NKAIN3: variants seen among roughly 807,000 people sequenced by gnomAD.
NKAIN3 encodes the protein sodium/potassium-transporting ATPase subunit beta-1-interacting protein 3.
A neutral mutation model predicts 30.2 loss-of-function variants in NKAIN3; 25 were observed. The observed-to-expected ratio is 0.83, with a 90% CI of 0.60 to 1.16. The LOEUF is 1.16. Among genes scored for constraint, NKAIN3 ranks in the 50% most tolerant of loss-of-function variants. The probability of loss-of-function intolerance (pLI) is 0.00; values close to 1 mark genes in which losing one functional copy is unlikely to be tolerated. For missense variants in NKAIN3, 225 were observed against 254.1 expected (o/e 0.89, Z 0.78); for synonymous variants, 91 against 89.6 (o/e 1.02, Z -0.09).
At chr8:62,832,869 C>T (rs1819238765) in intron 4 of NKAIN3, among the ~76,000 whole-genome samples, 1 of 152,022 alleles carries the variant, frequency 6.6e-6, no homozygotes, top group African/African-American at 2.4e-5. Context: ...GAATATTTCA[C>T]CCATCAACCA....
intron 1 of NKAIN3, among the ~76,000 whole-genome samples, chr8:62,552,647 T>C (rs1488768103): frequency 6.6e-6 from 1 of 152,186 alleles, no homozygotes; most frequent in Non-Finnish European, 1.5e-5. Context: ...CAGTTAATGC[T>C]CTTGACAAGT....
chr8:62,725,385 C>A lies in NKAIN3; in HGVS notation c.274-21547C>A, dbSNP rs551561786. On this transcript the variant is annotated intron_variant, in intron 3 of 6. Transcript: ENST00000623646. ...GAAGCTTTTTAATTTGATATGATCC[C>A]AATTGCCCATTTTTGCTTTGGTTGC... is the stretch of plus-strand genomic sequence containing the variant. Among the ~76,000 whole-genome samples, 31 of 152,170 alleles carry A rather than the reference C, an allele frequency of 2.0e-4. No individual in the cohort carries two copies. The South Asian group carries it at 5.8e-3, about 28-fold the overall frequency.
At chr8:62,821,991 G>A (rs972473740) in intron 4 of NKAIN3, among the ~76,000 whole-genome samples, 25 of 151,926 alleles carry the variant, frequency 1.6e-4, no homozygotes, top group African/African-American at 5.8e-4. Context: ...TTTATAGAGG[G>A]TGATGGGCAA....
At chr8:62,254,756 G>A (rs773561051) in intron 1 of NKAIN3, among the ~76,000 whole-genome samples, 11 of 152,062 alleles carry the variant, frequency 7.2e-5, no homozygotes, top group African/African-American at 1.2e-4. Context: ...AGTGATTTCC[G>A]TGGCATGTAA....
intron 4 of NKAIN3, among the ~76,000 whole-genome samples, chr8:62,866,258 A>C (rs1188832424): frequency 1.3e-5 from 2 of 152,160 alleles, no homozygotes; most frequent in African/African-American, 4.8e-5. Flanking sequence ...ATTTTCGAAA[A>C]AGCATGATCA....
At chr8:62,448,467 C>T (rs1173683189) in intron 1 of NKAIN3, among the ~76,000 whole-genome samples, 6 of 119,772 alleles carry the variant, frequency 5.0e-5, no homozygotes, top group South Asian at 5.9e-4. Flanking sequence ...TGTAGAGCTT[C>T]TAGAAAATCC....
chr8:62,899,854 C>G (rs968426695), intron 4 of NKAIN3, among the ~76,000 whole-genome samples: 1 of 151,820 alleles, frequency 6.6e-6, no homozygotes, highest in African/African-American at 2.4e-5. Flanking sequence ...TCATGTACCC[C>G]ACAAATACAT....
intron 1 of NKAIN3, among the ~76,000 whole-genome samples, chr8:62,423,893 A>G (rs1804722452): frequency 6.6e-6 from 1 of 152,060 alleles, no homozygotes; most frequent in Non-Finnish European, 1.5e-5. Context: ...ATGCAGCAGC[A>G]TGATGCATTT....
At chr8:62,955,791 C>A (rs187258227) in intron 6 of NKAIN3, among the ~76,000 whole-genome samples, 1 of 152,150 alleles carries the variant, frequency 6.6e-6, no homozygotes, top group African/African-American at 2.4e-5. Flanking sequence ...CAAAAACACC[C>A]AAAACATACT....
intron 3 of NKAIN3, among the ~76,000 whole-genome samples, chr8:62,603,287 A>C (rs958133031): frequency 2.0e-5 from 3 of 152,160 alleles, no homozygotes; most frequent in Non-Finnish European, 2.9e-5. Flanking sequence ...AGAGACCCTG[A>C]TAAACACGTT....
At chr8:62,580,833 G>A (rs1810263567) in intron 2 of NKAIN3, among the ~76,000 whole-genome samples, 1 of 151,634 alleles carries the variant, frequency 6.6e-6, no homozygotes, top group East Asian at 1.9e-4. Flanking sequence ...GCTCACATCT[G>A]TAGTCCCAGC....
chr8:62,468,490 A>C (rs543368636), intron 1 of NKAIN3, among the ~76,000 whole-genome samples: 4 of 152,292 alleles, frequency 2.6e-5, no homozygotes, highest in African/African-American at 9.6e-5. Flanking sequence ...TGTTTCCTTG[A>C]GGTCCACCAA....
chr8:62,722,791 T>C (rs1461936422), intron 3 of NKAIN3, among the ~76,000 whole-genome samples: 1 of 152,124 alleles, frequency 6.6e-6, no homozygotes, highest in Non-Finnish European at 1.5e-5. Flanking sequence ...ATGACTCTAA[T>C]GGAGAGTCAG....
chr8:62,594,086 A>C (rs1810744314), intron 3 of NKAIN3, among the ~76,000 whole-genome samples: 1 of 151,994 alleles, frequency 6.6e-6, no homozygotes, highest in South Asian at 2.1e-4. Context: ...CTCTTTAAAA[A>C]AACTTTGGGG....
At chr8:62,529,487 A>G (rs1781284333) in intron 1 of NKAIN3, among the ~76,000 whole-genome samples, 1 of 152,110 alleles carries the variant, frequency 6.6e-6, no homozygotes, top group East Asian at 1.9e-4. Context: ...TTGGGACATG[A>G]GGGTGGAGCC....
At chr8:62,637,235 C>G (rs1020919469) in intron 3 of NKAIN3, among the ~76,000 whole-genome samples, 1 of 152,162 alleles carries the variant, frequency 6.6e-6, no homozygotes, top group African/African-American at 2.4e-5. Flanking sequence ...AAGAACATCC[C>G]TGAGGCTGCT....
At chr8:62,866,924 G>A (rs931944086) in intron 4 of NKAIN3, among the ~76,000 whole-genome samples, 19 of 150,822 alleles carry the variant, frequency 1.3e-4, no homozygotes, top group East Asian at 9.7e-4. Context: ...GCTTGGTGGC[G>A]GGTGCCTGTA....
At chr8:62,443,974 A>G (rs1805408644) in intron 1 of NKAIN3, among the ~76,000 whole-genome samples, 3 of 152,184 alleles carry the variant, frequency 2.0e-5, no homozygotes, top group Non-Finnish European at 2.9e-5. Flanking sequence ...TACTTTATAT[A>G]TAAAAAACAG....
chr8:62,906,911 C>T (rs1054138584), intron 4 of NKAIN3, among the ~76,000 whole-genome samples: 1 of 152,002 alleles, frequency 6.6e-6, no homozygotes, highest in Non-Finnish European at 1.5e-5. Context: ...TGTAAAGATA[C>T]CCAAAGATGT....
Sources: gnomAD v4.1 joint callset for allele counts (sites outside exome capture counted in the v4.1 genomes callset) on GRCh38, gnomAD v4.1.1 for gene constraint, MANE v1.5 for transcripts, NCBI Gene and HGNC (gene_info 2026-07-23, HGNC 2026-07-21) for gene names.